TBX3: variants seen among roughly 807,000 people sequenced by gnomAD.
TBX3 encodes T-box transcription factor TBX3.
A neutral mutation model predicts 47.8 loss-of-function variants in TBX3; 11 were observed. The observed-to-expected ratio is 0.23, with a 90% CI of 0.14 to 0.38. The LOEUF is 0.38. Among genes scored for constraint, TBX3 ranks in the 10% least tolerant of loss-of-function variants. TBX3 has a pLI of 1.00. For synonymous variants in TBX3, 500 were observed against 449.3 expected (o/e 1.11, Z -1.43); for missense variants, 927 against 1,022.8 (o/e 0.91, Z 1.28).
chr12:114,674,619 G>T lies in TBX3; in HGVS notation c.1256C>A (p.Pro419His). 6.2e-7 allele frequency: 1 copy of T among 1,604,394 alleles called. No homozygotes were observed. ...DKASPDSRHS[P>H]ATISSSTRGL... ...GCGAGTGCTGGACGAGATGGTGGCG[G>T]GGCTATGGCGTGAGTCGGGCGACGC... The change falls in exon 6 of 7, where the codon CCC (proline) becomes CAC (histidine). Residue 419 changes from proline to histidine, a missense_variant. Pro to His is a moderately conservative substitution (Grantham distance 77). Transcript: ENST00000349155.
At chr12:114,680,107 C>G in intron 2 of TBX3, 1 of 873,048 alleles carries the variant, frequency 1.1e-6, no homozygotes, top group East Asian at 2.6e-5. Context: ...ATGCCTTAAT[C>G]AAATCAAGGG....
chr12:114,676,538 C>CT (rs745578075), intron 4 of TBX3, 68 bp from the exon 5 acceptor site: 68 of 1,600,772 alleles, frequency 4.2e-5, no homozygotes, highest in Non-Finnish European at 5.5e-5. Flanking sequence ...TTCCCTTACC[C>CT]TTTCCAAAGC....
chr12:114,674,105 G>C (rs1868581077), intron 6 of TBX3, 60 bp downstream of exon 6: 9 of 1,554,392 alleles, frequency 5.8e-6, no homozygotes, highest in Non-Finnish European at 7.8e-6. Context: ...TGCTGGCAAA[G>C]GACAGGGAAA....
At chr12:114,676,204 G>C (rs562417324) in intron 5 of TBX3, 109 bp downstream of exon 5, 1 of 1,405,936 alleles carries the variant, frequency 7.1e-7, no homozygotes, top group Non-Finnish European at 9.9e-7. Flanking sequence ...TGTTTAGAAG[G>C]CTTCTAGCTT....
In TBX3 at chr12:114,679,207, A is replaced by G. The variant is rs74679747; in HGVS notation, c.804+298T>C. 7.0e-3 allele frequency among the ~76,000 whole-genome samples: 1,059 copies of G among 152,136 alleles called. 6 individuals carry two copies. Among genetic ancestry groups the G allele is most frequent in the African/African-American group, 0.024 (1,011 of 41,526 alleles). On this transcript the variant is annotated intron_variant, in intron 3 of 6. Coordinates refer to ENST00000349155, the MANE Select transcript of TBX3 (RefSeq NM_005996.4). ...GAAGAAGATGAACCTTAAAACAGAC[A>G]GGACAAAGCCCAAGAGGGGGGGAGG...
In TBX3 at chr12:114,671,618, T is replaced by A. The variant is rs570188694; in HGVS notation, c.*223A>T. 5.4e-4 allele frequency: 337 copies of A among 622,330 alleles called. 5 individuals are homozygous for A. In the South Asian group the frequency reaches 5.8e-3, roughly 11 times the overall value. The allele number at this position is 622,330 out of a possible 1,614,324, so 38.6% of individuals were successfully genotyped here. A position where few individuals can be genotyped will look rare whatever the true frequency, so the allele number is the denominator to read the frequency against. On this transcript the variant is annotated 3_prime_UTR_variant, in exon 7 of 7. Coordinates refer to ENST00000349155, the MANE Select transcript of TBX3 (RefSeq NM_005996.4). Reference sequence around the variant, plus strand: ...CCAGTAGCTCAATGCAACCGACGTTTCTGAGCCCCCAGAATCTGATCCAGA... The same window carrying A: ...CCAGTAGCTCAATGCAACCGACGTTACTGAGCCCCCAGAATCTGATCCAGA...
chr12:114,677,452 T>C lies in TBX3; in HGVS notation c.881+128A>G, dbSNP rs969724156. 12 of 870,560 alleles carry C rather than the reference T, an allele frequency of 1.4e-5. No homozygotes were observed. In the African/African-American group the frequency reaches 1.7e-4, roughly 12 times the overall value. 53.9% of individuals were successfully genotyped at this position (870,560 alleles called of 1,614,324 possible). On this transcript the variant is annotated intron_variant, in intron 4 of 6. Coordinates refer to ENST00000349155, the MANE Select transcript of TBX3 (RefSeq NM_005996.4). ...ACTGATAGCGGCAAGCATGTAGCAG[T>C]GGGGAAAGTGAATGATTTCCACCCG...
At chr12:114,677,704 A>G in intron 3 of TBX3, 48 bp from the exon 4 acceptor site, 4 of 1,591,000 alleles carry the variant, frequency 2.5e-6, no homozygotes, top group Non-Finnish European at 3.5e-6. Context: ...CTCATTTTCT[A>G]GAATGTTTTG....
Position 114,671,897 on chromosome 12 carries a change from G to A in TBX3, c.2116C>T (p.Arg706Trp), listed in dbSNP as rs1218875641. The A allele has an allele frequency of 5.7e-6, 9 of 1,578,478 alleles. No homozygotes were observed. Among genetic ancestry groups the A allele is most frequent in the Non-Finnish European group, 7.7e-6 (9 of 1,162,338 alleles). ...AATSELQSIQ[R>W]LVSGLEAKPD... Reference sequence around the variant, plus strand: ...TTGGCTTCCAAGCCGCTAACCAACCGCTGGATGCTCTGCAGTTCGCTGGTG... The same window carrying A: ...TTGGCTTCCAAGCCGCTAACCAACCACTGGATGCTCTGCAGTTCGCTGGTG... Residue 706 changes from arginine to tryptophan, a missense_variant, in exon 7 of 7, where the codon CGG (arginine) becomes TGG (tryptophan). By Grantham distance (101) the Arg-to-Trp change is moderately radical. Transcript: ENST00000349155.
intron 2 of TBX3, chr12:114,680,064 C>T (rs1868862635): frequency 2.3e-6 from 3 of 1,313,192 alleles, no homozygotes; most frequent in South Asian, 1.2e-5. Flanking sequence ...CCACTTAAAG[C>T]CCTGAAAGGC....
chr12:114,683,256 T>G lies in TBX3; in HGVS notation c.-56A>C. On this transcript the variant is annotated 5_prime_UTR_variant, in exon 1 of 7. Transcript: ENST00000349155. This position sits in a 1 kb window ranked among gnomAD's most constrained non-coding sequence, Gnocchi z 7.7. ...GGGGACAAGTCCGCAGCTGCTGTGT[T>G]TTGTTGTTTTTTTGTTGTTGTTTAA... 1 of 1,591,084 alleles carries G rather than the reference T, an allele frequency of 6.3e-7. No homozygotes were observed. The highest frequency in any genetic ancestry group is 1.3e-5 in the African/African-American group (1 of 74,286).
chr12:114,681,290 A>G, intron 1 of TBX3, 144 bp from the exon 2 acceptor site: 1 of 1,175,894 alleles, frequency 8.5e-7, no homozygotes, highest in South Asian at 1.5e-5. Flanking sequence ...AGAGTGAGGC[A>G]ACTGGTTGCA....
Position 114,683,144 on chromosome 12 carries a change from C to T in TBX3, c.57G>A (p.Pro19=), listed in dbSNP as rs370512823. ...AGTCCGGCGCCCGGTGAGGTAGGAACGGATGGTAGGCCATGCTTGTCCCAG... is the reference window on the plus strand; with the variant it reads ...AGTCCGGCGCCCGGTGAGGTAGGAATGGATGGTAGGCCATGCTTGTCCCAG... The part of the protein sequence containing the change: ...VIPGTSMAYH[P]FLPHRAPDFA... Residue 19 remains proline (P), a synonymous_variant, in exon 1 of 7, where the codon CCG becomes CCA. Coordinates refer to ENST00000349155, the MANE Select transcript of TBX3 (RefSeq NM_005996.4). This position sits in a 1 kb window ranked among gnomAD's most constrained non-coding sequence, Gnocchi z 7.7. The T allele has an allele frequency of 6.2e-7, 1 of 1,612,648 alleles. No individual in the cohort carries two copies. Among genetic ancestry groups the T allele is most frequent in the Non-Finnish European group, 8.5e-7 (1 of 1,179,650 alleles).
Position 114,681,031 on chromosome 12 carries a change from G to A in TBX3, c.505C>T (p.Arg169Trp), listed in dbSNP as rs1430142395. ...TCGGCCTTACCAGCCACCATCCACCGAGAATTGTGAAATTTATAACGACAG... is the reference window on the plus strand; with the variant it reads ...TCGGCCTTACCAGCCACCATCCACCAAGAATTGTGAAATTTATAACGACAG... ...DDCRYKFHNSRWMVAGKADPE... is the reference protein window; with the variant it reads ...DDCRYKFHNSWWMVAGKADPE... The change falls in exon 2 of 7, where the codon CGG becomes TGG. Residue 169 changes from arginine to tryptophan, a missense_variant. Arg to Trp is a moderately radical substitution (Grantham distance 101). Transcript: ENST00000349155. The A allele has an allele frequency of 3.1e-6, 5 of 1,613,850 alleles. No homozygotes were observed. The highest frequency in any genetic ancestry group is 4.5e-5 in the East Asian group (2 of 44,894).
At chr12:114,682,664 G>A in intron 1 of TBX3, 148 bp downstream of exon 1, 8 of 1,231,812 alleles carry the variant, frequency 6.5e-6, no homozygotes, top group Non-Finnish European at 6.8e-6. Context: ...CACCGGGGCA[G>A]GGCCTGGAAG....
intron 4 of TBX3, 79 bp from the exon 5 acceptor site, chr12:114,676,549 G>T: frequency 6.3e-7 from 1 of 1,576,840 alleles, no homozygotes. Flanking sequence ...TTTCCAAAGC[G>T]GCACACACAT....
At position 114,676,458 on chromosome 12, in the gene TBX3, G is replaced by C. The variant is rs1273808557; in HGVS notation, c.894C>G (p.Thr298=). 6.2e-7 allele frequency: 1 copy of C among 1,614,192 alleles called. No homozygotes were observed. The highest frequency in any genetic ancestry group is 2.2e-5 in the East Asian group (1 of 44,880). Residue 298 remains threonine (T), a synonymous_variant, in exon 5 of 7, where the codon ACC becomes ACG. Coordinates refer to ENST00000349155, the MANE Select transcript of TBX3 (RefSeq NM_005996.4). ...NGRREKRKQL[T]LQSMRVFDER... is the part of the protein sequence containing the mutation. Reference sequence around the variant, plus strand: ...CATCAAACACCCTCATGGACTGCAGGGTGAGCTGTTTTCTGTGGCAGAAGC... The same window carrying C: ...CATCAAACACCCTCATGGACTGCAGCGTGAGCTGTTTTCTGTGGCAGAAGC...
chr12:114,672,076 G>A lies in TBX3; in HGVS notation c.1937C>T (p.Ala646Val), dbSNP rs940436570. The A allele has an allele frequency of 8.3e-6, 13 of 1,566,592 alleles. No homozygotes were observed. The African/African-American group carries it at 1.8e-4, about 21-fold the overall frequency. Residue 646 changes from alanine to valine, a missense_variant, in exon 7 of 7, where the codon GCC becomes GTC. Physicochemically the swap from Ala to Val is moderately conservative, Grantham distance 64. This residue lies in a region of TBX3 where 623 missense variants were observed against 569.0 expected (regional missense o/e 1.09). Coordinates refer to ENST00000349155, the MANE Select transcript of TBX3 (RefSeq NM_005996.4). ...GACTTTGCCGTCCAGGGGCCCCGCG[G>A]CCGCCGCCATGGAGGGCAGGGCGGT... Reference protein sequence around the residue: ...LTTALPSMAAAAGPLDGKVAA... With the variant: ...LTTALPSMAAVAGPLDGKVAA...
chr12:114,674,841 A>G lies in TBX3; in HGVS notation c.1040-6T>C. 6.4e-7 allele frequency: 1 copy of G among 1,564,330 alleles called. No homozygotes were observed. Among genetic ancestry groups the G allele is most frequent in the Non-Finnish European group, 8.6e-7 (1 of 1,161,388 alleles). ...ACCCTCGCTGGGACATAAATCTACCACAGGCGAAGGAAAAAACCAAGGCAG... is the reference window on the plus strand; with the variant it reads ...ACCCTCGCTGGGACATAAATCTACCGCAGGCGAAGGAAAAAACCAAGGCAG... On this transcript the variant is annotated splice_polypyrimidine_tract_variant and splice_region_variant and intron_variant, in intron 5 of 6. Coordinates refer to ENST00000349155, the MANE Select transcript of TBX3 (RefSeq NM_005996.4).
Sources: gnomAD v4.1 joint callset for allele counts (sites outside exome capture counted in the v4.1 genomes callset) on GRCh38, gnomAD v4.1.1 for gene constraint, gnomAD v4.1.1 regional missense constraint, Gnocchi (gnomAD v3.1) non-coding constraint, MANE v1.5 for transcripts, NCBI Gene and HGNC (gene_info 2026-07-23, HGNC 2026-07-21) for gene names.